The following FBLN7 variants were observed in gnomAD, a reference collection of about 807,000 sequenced individuals.
The protein encoded by FBLN7 is fibulin 7.
Under a neutral mutation model 44.0 loss-of-function variants are expected in FBLN7, and 31 were observed. The observed-to-expected ratio is 0.70, with a 90% CI of 0.53 to 0.95. The LOEUF is 0.95. Ranked by LOEUF, FBLN7 falls within the 40% of genes least tolerant of loss-of-function variation. The pLI is 0.00. For synonymous variants in FBLN7, 262 were observed against 253.4 expected, an observed-to-expected ratio of 1.03 and a Z score of -0.32; for missense variants, 573 against 618.5, an observed-to-expected ratio of 0.93 and a Z score of 0.78.
the FBLN7 span, among the ~76,000 whole-genome samples, chr2:112,222,910 C>T: frequency 2.6e-5 from 4 of 152,146 alleles, no homozygotes; most frequent in Admixed American, 2.6e-4. Context: ...TGTACATTTA[C>T]AAATGGTTAA....
Position 112,147,753 on chromosome 2 carries a change from A to G in FBLN7, c.75+9023A>G, listed in dbSNP as rs555573777. 4.6e-5 allele frequency among the ~76,000 whole-genome samples: 7 copies of G among 152,072 alleles called. No homozygotes were observed. The East Asian group carries it at 1.4e-3, about 29-fold the overall frequency. On this transcript the variant is annotated intron_variant, in intron 1 of 7. Coordinates refer to ENST00000331203, the MANE Select transcript of FBLN7 (RefSeq NM_153214.3). The stretch of plus-strand genomic sequence containing the variant: ...TTGGCTTACTCCCTTATTTTTTTGA[A>G]CCCATCCTTAGGAAAATGATTTTTA...
the FBLN7 span, among the ~76,000 whole-genome samples, chr2:112,240,984 T>C: frequency 0.025 from 3,243 of 132,346 alleles, 66 homozygotes; most frequent in East Asian, 0.098. Context: ...TGTGTGTGTG[T>C]GCGCGTGTGT....
the FBLN7 span, among the ~76,000 whole-genome samples, chr2:112,230,355 T>C: frequency 2.0e-5 from 3 of 152,202 alleles, no homozygotes; most frequent in Admixed American, 1.3e-4. Context: ...TGGCACATAC[T>C]GTGGATAACT....
At chr2:112,200,727 C>T in the FBLN7 span, among the ~76,000 whole-genome samples, 3 of 152,096 alleles carry the variant, frequency 2.0e-5, no homozygotes, top group Middle Eastern at 3.4e-3. Context: ...GGTGGGGTTT[C>T]GTCATGTTGG....
At chr2:112,159,925 C>A in intron 2 of FBLN7, 90 bp downstream of exon 2, 1 of 1,139,708 alleles carries the variant, frequency 8.8e-7, no homozygotes, top group Non-Finnish European at 1.1e-6. Flanking sequence ...CCTCGTCACC[C>A]CTCACCCTTC....
At chr2:112,145,285 ATTGT>A (rs1044680995) in intron 1 of FBLN7, among the ~76,000 whole-genome samples, 3 of 151,094 alleles carry the variant, frequency 2.0e-5, no homozygotes, top group Non-Finnish European at 3.0e-5. Context: ...TAAAAAATTG[ATTGT>A]TTGTTTCTTT....
At chr2:112,153,995 C>T (rs1681293200) in intron 1 of FBLN7, among the ~76,000 whole-genome samples, 2 of 152,216 alleles carry the variant, frequency 1.3e-5, no homozygotes, top group African/African-American at 4.8e-5. Context: ...CCAGAACCAT[C>T]CATGCCACCT....
chr2:112,187,138 T>A lies in FBLN7; in HGVS notation c.952T>A (p.Cys318Ser). The change falls in exon 8 of 8, where the codon TGT becomes AGT. Residue 318 changes from cysteine to serine, a missense_variant. Transcript: ENST00000331203. This position sits in a 1 kb window ranked among gnomAD's most constrained non-coding sequence, Gnocchi z 5.1. ...VSYVKTSPFQ[C>S]ERNPCPMDSR... is the part of the protein sequence containing the mutation. Reference sequence around the variant, plus strand: ...CATTTTGCCTCTCCGCTCCAGCCAGTGTGAGCGGAACCCCTGCCCCATGGA... The same window carrying A: ...CATTTTGCCTCTCCGCTCCAGCCAGAGTGAGCGGAACCCCTGCCCCATGGA... The A allele has an allele frequency of 6.2e-7, 1 of 1,613,740 alleles. No individual in the cohort carries two copies. The highest frequency in any genetic ancestry group is 8.5e-7 in the Non-Finnish European group (1 of 1,179,858).
intron 5 of FBLN7, chr2:112,182,124 G>A (rs1308540139): frequency 1.9e-6 from 1 of 517,880 alleles, no homozygotes; most frequent in Non-Finnish European, 3.3e-6. Context: ...CACGCGCTTG[G>A]TTCAGGAGAG....
chr2:112,140,189 CCT>C (rs1292849049), intron 1 of FBLN7, among the ~76,000 whole-genome samples: 1 of 145,544 alleles, frequency 6.9e-6, no homozygotes, highest in Non-Finnish European at 1.5e-5. Context: ...GTCCCTCCCG[CCT>C]CTCTCCAGGC....
At chr2:112,160,923 G>C (rs1396753639) in intron 2 of FBLN7, among the ~76,000 whole-genome samples, 1 of 152,184 alleles carries the variant, frequency 6.6e-6, no homozygotes, top group African/African-American at 2.4e-5. Flanking sequence ...GTTGGCTCCA[G>C]TGCTTCAGGC....
downstream of FBLN7, chr2:112,189,670 A>G (rs1683420672): frequency 6.6e-6 from 1 of 152,240 alleles, no homozygotes; most frequent in Non-Finnish European, 1.5e-5. Context: ...TTGCAAACAT[A>G]TGCAAAAGTA....
chr2:112,236,700 A>G, the FBLN7 span: 1 of 1,599,158 alleles, frequency 6.3e-7, no homozygotes, highest in Admixed American at 1.8e-5. Flanking sequence ...TAGCAGCTAA[A>G]AACAAAAAAT....
chr2:112,232,975 CAGT>C, the FBLN7 span, among the ~76,000 whole-genome samples: 1 of 152,154 alleles, frequency 6.6e-6, no homozygotes, highest in Non-Finnish European at 1.5e-5. Flanking sequence ...ATCAGTGTCA[CAGT>C]AGAAATTGTG....
At chr2:112,205,190 T>C in the FBLN7 span, among the ~76,000 whole-genome samples, 1 of 152,008 alleles carries the variant, frequency 6.6e-6, no homozygotes, top group Non-Finnish European at 1.5e-5. Context: ...CAAATGGCTA[T>C]AGTAAAATAA....
At chr2:112,183,751 G>A (rs1467681473) in intron 6 of FBLN7, among the ~76,000 whole-genome samples, 1 of 152,186 alleles carries the variant, frequency 6.6e-6, no homozygotes, top group African/African-American at 2.4e-5. Context: ...GCCGGGTTGA[G>A]GTTTCTGAGG....
chr2:112,157,469 G>A (rs1435210799), intron 1 of FBLN7, among the ~76,000 whole-genome samples: 1 of 152,166 alleles, frequency 6.6e-6, no homozygotes, highest in Non-Finnish European at 1.5e-5. Context: ...TGTGCAGGCA[G>A]CAGAGTCCAG....
the FBLN7 span, among the ~76,000 whole-genome samples, chr2:112,232,558 T>G: frequency 4.6e-5 from 7 of 152,176 alleles, no homozygotes; most frequent in Non-Finnish European, 1.0e-4. Context: ...ATAAATGTGA[T>G]CATTTTTAAA....
At chr2:112,171,989 C>T (rs573022368) in intron 3 of FBLN7, among the ~76,000 whole-genome samples, 7 of 152,288 alleles carry the variant, frequency 4.6e-5, no homozygotes, top group African/African-American at 1.2e-4. Flanking sequence ...CCTCATGATC[C>T]GCCTGCCTCG....
Sources: gnomAD v4.1 joint callset for allele counts (sites outside exome capture counted in the v4.1 genomes callset) on GRCh38, gnomAD v4.1.1 for gene constraint, Gnocchi (gnomAD v3.1) non-coding constraint, MANE v1.5 for transcripts, NCBI Gene and HGNC (gene_info 2026-07-23, HGNC 2026-07-21) for gene names.